The following ATG5 variants were observed in gnomAD, a reference collection of about 807,000 sequenced individuals.
ATG5 encodes autophagy related 5, also known as autophagy protein 5.
In ATG5, 14 loss-of-function variants were observed where a neutral mutation model predicts 36.5. The observed-to-expected ratio is 0.38, with a 90% confidence interval of 0.25 to 0.60. ATG5 has a LOEUF of 0.60. Among genes scored for constraint, ATG5 ranks in the 20% least tolerant of loss-of-function variants. The pLI is 0.60. For missense variants in ATG5, 195 were observed against 326.7 expected, an observed-to-expected ratio of 0.60 and a Z score of 3.11; for synonymous variants, 95 against 101.5, an observed-to-expected ratio of 0.94 and a Z score of 0.38.
chr6:106,305,936 G>A (rs1388073085), intron 3 of ATG5, among the ~76,000 whole-genome samples: 1 of 152,206 alleles, frequency 6.6e-6, no homozygotes, highest in African/African-American at 2.4e-5. Context: ...GGCTCTGGAA[G>A]TTATTCACGC....
intron 6 of ATG5, among the ~76,000 whole-genome samples, chr6:106,231,033 C>A (rs972926602): frequency 5.3e-5 from 8 of 152,020 alleles, no homozygotes; most frequent in African/African-American, 1.9e-4. Context: ...AAGGACCCCC[C>A]TTCAACCCAA....
chr6:106,297,528 T>C (rs1488798303), intron 3 of ATG5, among the ~76,000 whole-genome samples: 2 of 152,160 alleles, frequency 1.3e-5, no homozygotes, highest in Non-Finnish European at 2.9e-5. Flanking sequence ...TATATTTGAA[T>C]GTATAAAAAT....
At chr6:106,208,206 A>G (rs946385449) in intron 6 of ATG5, among the ~76,000 whole-genome samples, 5 of 151,614 alleles carry the variant, frequency 3.3e-5, no homozygotes, top group African/African-American at 1.2e-4. Flanking sequence ...GAATATATAC[A>G]TATGTGTATA....
At chr6:106,216,593 G>C (rs1777046860) in intron 6 of ATG5, among the ~76,000 whole-genome samples, 1 of 152,214 alleles carries the variant, frequency 6.6e-6, no homozygotes, top group Admixed American at 6.5e-5. Flanking sequence ...AATGATATAA[G>C]TGACTGCCAA....
chr6:106,324,141 G>T (rs1161046435), intron 1 of ATG5, among the ~76,000 whole-genome samples: 2 of 151,936 alleles, frequency 1.3e-5, no homozygotes, highest in African/African-American at 4.8e-5. Flanking sequence ...TCCTACCCAT[G>T]GGTTCTTCGT....
Position 106,275,820 on chromosome 6 carries a change from T to C in ATG5, c.478+3841A>G, listed in dbSNP as rs1046715941. Among the ~76,000 whole-genome samples the C allele has an allele frequency of 4.5e-4, 69 of 152,242 alleles. 1 individual carries two copies. Among genetic ancestry groups the C allele is most frequent in the Non-Finnish European group, 1.6e-4 (11 of 68,038 alleles). ...TGTAGCTTGGTTAACCAACCTTTTA[T>C]GGGCTGACAAGCATTTTCTTAAAAG... On this transcript the variant is annotated intron_variant, in intron 5 of 7. Coordinates refer to ENST00000369076, the MANE Select transcript of ATG5 (RefSeq NM_004849.4).
At chr6:106,210,191 T>C (rs1390464797) in intron 6 of ATG5, among the ~76,000 whole-genome samples, 7 of 152,290 alleles carry the variant, frequency 4.6e-5, no homozygotes, top group East Asian at 1.9e-4. Flanking sequence ...AAGACTCAGG[T>C]AGCAGGAAAA....
intron 6 of ATG5, among the ~76,000 whole-genome samples, chr6:106,246,222 G>T (rs531203755): frequency 3.9e-5 from 6 of 152,168 alleles, no homozygotes; most frequent in Non-Finnish European, 7.4e-5. Context: ...CTGCCCAAGT[G>T]CCTTGACACA....
intron 5 of ATG5, among the ~76,000 whole-genome samples, chr6:106,272,855 G>A (rs1391012624): frequency 6.6e-6 from 1 of 152,138 alleles, no homozygotes; most frequent in African/African-American, 2.4e-5. Flanking sequence ...TTAAACATGA[G>A]AGTATAAAAT....
At chr6:106,276,698 C>G (rs1779670453) in intron 5 of ATG5, among the ~76,000 whole-genome samples, 1 of 152,142 alleles carries the variant, frequency 6.6e-6, no homozygotes, top group Non-Finnish European at 1.5e-5. Flanking sequence ...CTAAGAACAC[C>G]TACTTAACTG....
intron 3 of ATG5, among the ~76,000 whole-genome samples, chr6:106,305,957 T>C (rs1011162715): frequency 2.0e-5 from 3 of 152,164 alleles, no homozygotes; most frequent in Admixed American, 6.5e-5. Context: ...CTCATATATA[T>C]GGAGTACTTA....
chr6:106,277,661 A>G (rs1409773539), intron 5 of ATG5, among the ~76,000 whole-genome samples: 1 of 152,200 alleles, frequency 6.6e-6, no homozygotes, highest in Non-Finnish European at 1.5e-5. Flanking sequence ...CTAAAAACAC[A>G]AAATTAGCTG....
In ATG5 at chr6:106,240,133, A is replaced by T. The variant is rs1778062244; in HGVS notation, c.573+8017T>A. 2.0e-5 allele frequency among the ~76,000 whole-genome samples: 3 copies of T among 152,062 alleles called. No individual in the cohort carries two copies. In the South Asian group the frequency reaches 6.2e-4, roughly 32 times the overall value. On this transcript the variant is annotated intron_variant, in intron 6 of 7. Transcript: ENST00000369076. ...ACAGAATCCCAAACAGCTGGGAGAGATGTGTGCCACTACGCCTGGCTAAGG... is the reference window on the plus strand; with the variant it reads ...ACAGAATCCCAAACAGCTGGGAGAGTTGTGTGCCACTACGCCTGGCTAAGG...
intron 5 of ATG5, among the ~76,000 whole-genome samples, chr6:106,263,899 C>T (rs1179780065): frequency 2.1e-5 from 3 of 144,082 alleles, no homozygotes; most frequent in Admixed American, 6.9e-5. Context: ...AAAAACAGCA[C>T]AAAAATGCTG....
intron 3 of ATG5, among the ~76,000 whole-genome samples, chr6:106,303,770 T>C (rs936159779): frequency 6.6e-6 from 1 of 152,080 alleles, no homozygotes; most frequent in African/African-American, 2.4e-5. Flanking sequence ...TCCATAAATG[T>C]CATCTATTAT....
At chr6:106,189,995 TA>T (rs1303343199) in intron 7 of ATG5, among the ~76,000 whole-genome samples, 1 of 152,206 alleles carries the variant, frequency 6.6e-6, no homozygotes, top group Non-Finnish European at 1.5e-5. Context: ...GTACCATTTC[TA>T]ATATAAGATA....
chr6:106,236,560 A>C (rs760145086), intron 6 of ATG5, among the ~76,000 whole-genome samples: 4 of 152,160 alleles, frequency 2.6e-5, no homozygotes, highest in Non-Finnish European at 4.4e-5. Context: ...GTAGTATCTC[A>C]CTGTTATTTT....
intron 2 of ATG5, among the ~76,000 whole-genome samples, chr6:106,313,050 G>A (rs185557160): frequency 6.6e-6 from 1 of 152,200 alleles, no homozygotes; most frequent in Non-Finnish European, 1.5e-5. Flanking sequence ...CAGCAGATAA[G>A]AAGTTGAAAG....
intron 6 of ATG5, among the ~76,000 whole-genome samples, chr6:106,212,424 T>A (rs1358171684): frequency 6.6e-6 from 1 of 152,210 alleles, no homozygotes; most frequent in East Asian, 1.9e-4. Context: ...GCGGATCACC[T>A]GAGGTCAGGA....
Sources: allele counts gnomAD v4.1 joint callset (sites outside exome capture counted in the v4.1 genomes callset), GRCh38; gene constraint gnomAD v4.1.1; transcripts MANE v1.5; gene names NCBI Gene and HGNC (gene_info 2026-07-23, HGNC 2026-07-21).